Variants in HHATL observed in about 807,000 individuals in gnomAD.
HHATL encodes hedgehog acyltransferase like, also known as protein-cysteine N-palmitoyltransferase HHAT-like protein.
HHATL carries 49 observed loss-of-function variants against 59.7 expected under a neutral mutation model. That is an observed-to-expected ratio of 0.82 (90% CI 0.65 to 1.04). HHATL has a LOEUF of 1.04. Ranked by LOEUF, HHATL falls within the 50% of genes least tolerant of loss-of-function variation. The probability of loss-of-function intolerance (pLI) is 0.00; values close to 1 mark genes in which losing one functional copy is unlikely to be tolerated. For missense variants in HHATL, 605 were observed against 650.8 expected, an observed-to-expected ratio of 0.93 and a Z score of 0.77; for synonymous variants, 238 against 257.3, an observed-to-expected ratio of 0.93 and a Z score of 0.72.
intron 9 of HHATL, 64 bp from the exon 10 acceptor site, chr3:42,693,882 G>A: frequency 7.2e-7 from 1 of 1,393,470 alleles, no homozygotes. Flanking sequence ...AGATGGGAGA[G>A]GACACACAAC....
At chr3:42,697,359 T>C (rs894714548) in intron 7 of HHATL, 149 bp downstream of exon 7, 18 of 1,039,656 alleles carry the variant, frequency 1.7e-5, no homozygotes, top group Non-Finnish European at 2.4e-5. Flanking sequence ...CCAAGACCCA[T>C]GCATTAGAAA....
chr3:42,702,198 G>T (rs547109379), intron 1 of HHATL, among the ~76,000 whole-genome samples: 4 of 152,218 alleles, frequency 2.6e-5, no homozygotes, highest in Non-Finnish European at 5.9e-5. Context: ...CTCATCAGTT[G>T]GGTGGGGGTG....
intron 2 of HHATL, 97 bp from the exon 3 acceptor site, chr3:42,699,922 A>T (rs1697862031): frequency 1.1e-6 from 1 of 952,080 alleles, no homozygotes; most frequent in Admixed American, 2.2e-5. Context: ...GAGCGAGGGC[A>T]TCAGGAACGG....
chr3:42,698,003 G>A (rs1697715687), intron 6 of HHATL, 139 bp downstream of exon 6: 1 of 915,208 alleles, frequency 1.1e-6, no homozygotes, highest in Non-Finnish European at 1.7e-6. Flanking sequence ...TGAGGAGGGA[G>A]GGGAGACACG....
chr3:42,698,342 CA>C lies in HHATL; in HGVS notation c.492del (p.Phe164LeufsTer2). On this transcript the variant is annotated frameshift_variant, in exon 6 of 12. Transcript: ENST00000441594. LOFTEE classifies it high-confidence loss of function. Reference protein sequence around the residue: ...MDPLISWQSGFVTGTFDLQEV... With the variant: ...MDPLISWQSGXVTGTFDLQEV... ...TCTTGAAGATCAAAAGTGCCTGTTA[CA>C]AACCCGCTCTGGAGGGGGAAAGAAC... 6.2e-7 allele frequency: 1 copy of C among 1,611,192 alleles called. No individual in the cohort carries two copies. Among genetic ancestry groups the C allele is most frequent in the Non-Finnish European group, 8.5e-7 (1 of 1,178,384 alleles).
rs1220236726 is a variant in HHATL, at chr3:42,696,992, A to G, written c.1010+9T>C. On this transcript the variant is annotated intron_variant, in intron 8 of 11. Transcript: ENST00000441594. Reference sequence around the variant, plus strand: ...GGGGTGAGCCTCCCCCGTCCTGGCCAGCACTCACGTTTCCGCAAAGACGTA... The same window carrying G: ...GGGGTGAGCCTCCCCCGTCCTGGCCGGCACTCACGTTTCCGCAAAGACGTA... The G allele has an allele frequency of 1.2e-6, 2 of 1,610,196 alleles. No homozygotes were observed. Among genetic ancestry groups the G allele is most frequent in the Non-Finnish European group, 1.7e-6 (2 of 1,177,634 alleles).
chr3:42,696,349 AC>A (rs1697609160), intron 9 of HHATL, among the ~76,000 whole-genome samples: 2 of 150,362 alleles, frequency 1.3e-5, no homozygotes, highest in African/African-American at 4.9e-5. Context: ...GGACTTACCC[AC>A]TCCCAAAGCC....
At position 42,697,640 on chromosome 3, in the gene HHATL, A is replaced by G; in HGVS notation, c.733T>C (p.Trp245Arg). ...VEPVRREGEL[W>R]HIRAQAGLSV... is the part of the protein sequence containing the mutation. The stretch of plus-strand genomic sequence containing the variant: ...AGGCCTGCCTGGGCTCGGATGTGCC[A>G]CAGCTCACCCTCGCGTCTCACTGGC... The change falls in exon 7 of 12, where the codon TGG becomes CGG. Residue 245 changes from tryptophan to arginine, a missense_variant. By Grantham distance (101) the Trp-to-Arg change is moderately radical (BLOSUM62 -3). Transcript: ENST00000441594. 2 of 1,614,084 alleles carry G rather than the reference A, an allele frequency of 1.2e-6. No individual in the cohort carries two copies. The highest frequency in any genetic ancestry group is 1.7e-6 in the Non-Finnish European group (2 of 1,179,956).
At chr3:42,698,410 C>A in intron 5 of HHATL, 59 bp from the exon 6 acceptor site, 1 of 1,485,566 alleles carries the variant, frequency 6.7e-7, no homozygotes. Flanking sequence ...TCTGGAAAAC[C>A]TATTCCCCAC....
In HHATL at chr3:42,701,070, C is replaced by A; in HGVS notation, c.-13-231G>T. 2 of 519,670 alleles carry A rather than the reference C, an allele frequency of 3.8e-6. No homozygotes were observed. The highest frequency in any genetic ancestry group is 3.5e-6 in the Non-Finnish European group (1 of 288,470). 32.2% of individuals were successfully genotyped at this position (519,670 alleles called of 1,614,324 possible). ...CTTGCCCCCACCCCACCCATCAAGG[C>A]TCTTGCCCGCAGAGCCCTCACTCGC... On this transcript the variant is annotated intron_variant, in intron 1 of 11. Transcript: ENST00000441594. This position sits in a 1 kb window ranked among gnomAD's most constrained non-coding sequence, Gnocchi z 5.1.
At chr3:42,700,891 C>A in intron 1 of HHATL, 52 bp from the exon 2 acceptor site, 1 of 1,288,248 alleles carries the variant, frequency 7.8e-7, no homozygotes, top group East Asian at 2.4e-5. Context: ...AAGCCTAGCC[C>A]CACCTCATGG....
At position 42,701,008 on chromosome 3, in the gene HHATL, G is replaced by A. The variant is rs182433182; in HGVS notation, c.-13-169C>T. The A allele has an allele frequency of 1.2e-4, 73 of 585,662 alleles. No individual in the cohort carries two copies. The highest frequency in any genetic ancestry group is 1.2e-3 in the African/African-American group (63 of 53,674). 36.3% of individuals were successfully genotyped at this position (585,662 alleles called of 1,614,324 possible). Reference sequence around the variant, plus strand: ...GCCCCTGTGCCCCCCACAGTTCACAGGCCACCGAACACCAGTGCCCCATCC... The same window carrying A: ...GCCCCTGTGCCCCCCACAGTTCACAAGCCACCGAACACCAGTGCCCCATCC... On this transcript the variant is annotated intron_variant, in intron 1 of 11. Transcript: ENST00000441594. This position sits in a 1 kb window ranked among gnomAD's most constrained non-coding sequence, Gnocchi z 5.1.
At chr3:42,697,390 G>A (rs904699364) in intron 7 of HHATL, 118 bp downstream of exon 7, 27 of 1,210,422 alleles carry the variant, frequency 2.2e-5, no homozygotes, top group Middle Eastern at 2.3e-4. Flanking sequence ...CTGCTCCCAC[G>A]CCCTCAGGTG....
In HHATL at chr3:42,698,305, T is replaced by C. The variant is rs779847922; in HGVS notation, c.530A>G (p.His177Arg). ...GTFDLQEVLF[H>R]GGSSFTVLRC... Reference sequence around the variant, plus strand: ...CAGCACTGTGAAGCTGCTGCCCCCATGAAACAGCACCTCTTGAAGATCAAA... The same window carrying C: ...CAGCACTGTGAAGCTGCTGCCCCCACGAAACAGCACCTCTTGAAGATCAAA... Residue 177 changes from histidine (H) to arginine (R), a missense_variant, in exon 6 of 12, where the codon CAT (histidine) becomes CGT (arginine). Transcript: ENST00000441594. 4.3e-6 allele frequency: 7 copies of C among 1,613,876 alleles called. No homozygotes were observed. The Admixed American group carries it at 1.2e-4, about 27-fold the overall frequency.
At chr3:42,697,280 T>G in intron 7 of HHATL, 135 bp from the exon 8 acceptor site, 1 of 1,225,552 alleles carries the variant, frequency 8.2e-7, no homozygotes, top group East Asian at 2.6e-5. Flanking sequence ...ATTGTGGAAA[T>G]CAGTCATGCC....
At chr3:42,696,744 C>A in intron 9 of HHATL, 98 bp downstream of exon 9, 1 of 1,346,082 alleles carries the variant, frequency 7.4e-7, no homozygotes, top group South Asian at 1.2e-5. Context: ...TTCCCCTGGC[C>A]CAGGGGTGAT....
At chr3:42,697,834 G>C (rs1205215534) in intron 6 of HHATL, among the ~76,000 whole-genome samples, 155 bp from the exon 7 acceptor site, 3 of 152,210 alleles carry the variant, frequency 2.0e-5, no homozygotes, top group African/African-American at 7.2e-5. Flanking sequence ...GGAGTCTGAG[G>C]AGGATTCACA....
At chr3:42,699,174 G>T (rs779628552) in intron 3 of HHATL, 29 bp from the exon 4 acceptor site, 1 of 1,550,522 alleles carries the variant, frequency 6.4e-7, no homozygotes, top group South Asian at 1.1e-5. Flanking sequence ...GAAGGAGGTG[G>T]GGCAGGTGAG....
chr3:42,697,740 G>A, intron 6 of HHATL, 61 bp from the exon 7 acceptor site: 1 of 1,542,696 alleles, frequency 6.5e-7, no homozygotes, highest in South Asian at 1.2e-5. Context: ...CCCTGTCTGA[G>A]GGGGGCTCAC....
Sources: gnomAD v4.1 joint callset for allele counts (sites outside exome capture counted in the v4.1 genomes callset) on GRCh38, gnomAD v4.1.1 for gene constraint, Gnocchi (gnomAD v3.1) non-coding constraint, MANE v1.5 for transcripts, NCBI Gene and HGNC (gene_info 2026-07-23, HGNC 2026-07-21) for gene names.